The following ZEB2 variants were observed in gnomAD, a reference collection of about 807,000 sequenced individuals.
ZEB2 encodes the protein zinc finger E-box-binding homeobox 2.
Under a neutral mutation model 99.9 loss-of-function variants are expected in ZEB2, and 6 were observed. The ratio of observed to expected loss-of-function variants is 0.06; its 90% CI spans 0.03 to 0.12. The LOEUF is 0.12. Among genes scored for constraint, ZEB2 ranks in the 10% least tolerant of loss-of-function variants. The pLI is 1.00. For synonymous variants in ZEB2, 517 were observed against 542.5 expected (o/e 0.95, Z 0.65); for missense variants, 969 against 1,502.8 (o/e 0.64, Z 5.87).
At chr2:144,517,885 C>A in intron 1 of ZEB2, 1 of 518,432 alleles carries the variant, frequency 1.9e-6, no homozygotes, top group East Asian at 3.2e-5. Context: ...GAAACAGCCC[C>A]TGGATGAAGC....
Position 144,389,469 on chromosome 2 carries a change from A to G in ZEB2, c.3627T>C (p.Asn1209=), listed in dbSNP as rs375865544. 3.1e-6 allele frequency: 5 copies of G among 1,613,826 alleles called. No individual in the cohort carries two copies. In the African/African-American group the frequency reaches 6.7e-5, roughly 22 times the overall value. The change falls in exon 10 of 10, where the codon AAT becomes AAC. Residue 1209 remains asparagine, a synonymous_variant. Transcript: ENST00000627532. The surrounding 1 kb of genome is among the most constrained non-coding windows in gnomAD (Gnocchi z 6.8). ...METKSDHEED[N]MEDGM Reference sequence around the variant, plus strand: ...TAGTTTATTACATGCCATCTTCCATATTGTCTTCCTCGTGGTCTGATTTGG... The same window carrying G: ...TAGTTTATTACATGCCATCTTCCATGTTGTCTTCCTCGTGGTCTGATTTGG...
At chr2:144,500,791 C>G (rs145831583) in intron 2 of ZEB2, among the ~76,000 whole-genome samples, 47 of 152,210 alleles carry the variant, frequency 3.1e-4, no homozygotes, top group Non-Finnish European at 5.3e-4. Flanking sequence ...ACAACTCACT[C>G]AGATCTGTAT....
At position 144,399,542 on chromosome 2, in the gene ZEB2, T is replaced by G. The variant is rs137852980; in HGVS notation, c.1645A>C (p.Arg549=). 3 of 1,614,212 alleles carry G rather than the reference T, an allele frequency of 1.9e-6. No individual in the cohort carries two copies. The South Asian group carries it at 3.3e-5, about 18-fold the overall frequency. ...CLQSLTTDSR[R]QISNIKKEKL... ...TCTTTCTTTATATTACTGATCTGTC[T>G]CCTTGAGTCAGTAGTCAAGCTCTGG... Residue 549 remains arginine, a synonymous_variant, in exon 8 of 10, where the codon AGA becomes CGA. Transcript: ENST00000627532. The surrounding 1 kb of genome is among the most constrained non-coding windows in gnomAD (Gnocchi z 5.6).
At chr2:144,411,084 TATA>T (rs1703455890) in intron 4 of ZEB2, among the ~76,000 whole-genome samples, 1 of 110,852 alleles carries the variant, frequency 9.0e-6, no homozygotes, top group African/African-American at 3.0e-5. Context: ...TATATATATA[TATA>T]TATATATATA....
chr2:144,430,471 C>G (rs1474760778), intron 2 of ZEB2: 2 of 209,380 alleles, frequency 9.6e-6, no homozygotes, highest in Non-Finnish European at 2.2e-5. Flanking sequence ...GGTTTTTTCC[C>G]TAGAAACAGT....
At chr2:144,514,186 A>C (rs1573817627) in intron 2 of ZEB2, 1 of 227,812 alleles carries the variant, frequency 4.4e-6, no homozygotes, top group Non-Finnish European at 8.9e-6. Flanking sequence ...ATTTTTCTTC[A>C]ACTGCCTCCT....
chr2:144,395,420 C>A (rs867911604), intron 9 of ZEB2, among the ~76,000 whole-genome samples: 1 of 151,964 alleles, frequency 6.6e-6, no homozygotes, highest in African/African-American at 2.4e-5. Context: ...TGATACTAGA[C>A]TTCCTGGTTT....
At chr2:144,517,866 A>G in intron 1 of ZEB2, 1 of 498,320 alleles carries the variant, frequency 2.0e-6, no homozygotes, top group East Asian at 3.4e-5. Context: ...ACAAACAAAC[A>G]AACAACGCGA....
At position 144,389,604 on chromosome 2, in the gene ZEB2, C is replaced by A; in HGVS notation, c.3492G>T (p.Glu1164Asp). 6.2e-7 allele frequency: 1 copy of A among 1,614,038 alleles called. No individual in the cohort carries two copies. The highest frequency in any genetic ancestry group is 8.5e-7 in the Non-Finnish European group (1 of 1,180,024). ...CCATACTTTTATTTTCACTTTCTTC[C>A]TCTTCCTCCTCGAACTCCTCGTCGC... ...QDGDEEFEEE[E>D]EESENKSMDT... The change falls in exon 10 of 10, where the codon GAG becomes GAT. Residue 1164 changes from glutamate (E) to aspartate (D), a missense_variant. This residue lies in a region of ZEB2 where 121 missense variants were observed against 166.4 expected (regional missense o/e 0.73). Coordinates refer to ENST00000627532, the MANE Select transcript of ZEB2 (RefSeq NM_014795.4). The surrounding 1 kb of genome is among the most constrained non-coding windows in gnomAD (Gnocchi z 6.8).
chr2:144,401,517 A>C (rs1204988255), intron 6 of ZEB2, among the ~76,000 whole-genome samples: 9 of 152,248 alleles, frequency 5.9e-5, no homozygotes, highest in Non-Finnish European at 1.3e-4. Context: ...TCACATGCGC[A>C]TCCAACACTT....
At chr2:144,478,124 A>G (rs1400506933) in intron 2 of ZEB2, among the ~76,000 whole-genome samples, 1 of 152,150 alleles carries the variant, frequency 6.6e-6, no homozygotes, top group Non-Finnish European at 1.5e-5. Flanking sequence ...GCAATACACA[A>G]GTTCAGTGTA....
At chr2:144,500,682 T>C (rs930318370) in intron 2 of ZEB2, among the ~76,000 whole-genome samples, 1 of 152,188 alleles carries the variant, frequency 6.6e-6, no homozygotes, top group African/African-American at 2.4e-5. Flanking sequence ...TCCACCACAG[T>C]AGAAACCCTT....
At chr2:144,424,603 T>C (rs1703665521) in intron 4 of ZEB2, among the ~76,000 whole-genome samples, 193 bp downstream of exon 4, 1 of 152,200 alleles carries the variant, frequency 6.6e-6, no homozygotes, top group Non-Finnish European at 1.5e-5. Context: ...GGTGTGAGAA[T>C]GAAAGATGTA....
intron 2 of ZEB2, among the ~76,000 whole-genome samples, chr2:144,507,697 C>T (rs1265561092): frequency 6.6e-6 from 1 of 152,176 alleles, no homozygotes; most frequent in African/African-American, 2.4e-5. Flanking sequence ...CTCATAGTTT[C>T]TTGGGTCACA....
At chr2:144,494,012 C>T (rs113320350) in intron 2 of ZEB2, among the ~76,000 whole-genome samples, 36 of 151,764 alleles carry the variant, frequency 2.4e-4, no homozygotes, top group African/African-American at 8.2e-4. Context: ...ATTAGCCGGG[C>T]GTGGTTGCAG....
chr2:144,411,708 AC>A (rs1202102319), intron 4 of ZEB2, among the ~76,000 whole-genome samples: 2 of 152,022 alleles, frequency 1.3e-5, no homozygotes, highest in African/African-American at 4.8e-5. Context: ...CGCTCTCTCC[AC>A]CCCTGCTCTG....
At chr2:144,493,980 G>A (rs940073817) in intron 2 of ZEB2, among the ~76,000 whole-genome samples, 23 of 151,728 alleles carry the variant, frequency 1.5e-4, no homozygotes, top group African/African-American at 5.1e-4. Context: ...GTGAAACCCT[G>A]TCTCTACTAA....
intron 2 of ZEB2, among the ~76,000 whole-genome samples, chr2:144,479,222 A>C (rs752338143): frequency 2.0e-5 from 3 of 152,222 alleles, no homozygotes; most frequent in Non-Finnish European, 4.4e-5. Flanking sequence ...CAATGCTTGC[A>C]TTTCATTTGA....
Position 144,429,926 on chromosome 2 carries a change from C to G in ZEB2, c.174G>C (p.Gln58His), listed in dbSNP as rs1375255877. 2 of 1,613,818 alleles carry G rather than the reference C, an allele frequency of 1.2e-6. No individual in the cohort carries two copies. The highest frequency in any genetic ancestry group is 4.5e-5 in the East Asian group (2 of 44,868). The change falls in exon 3 of 10, where the codon CAG becomes CAC. Residue 58 changes from glutamine (Q) to histidine (H), a missense_variant. Coordinates refer to ENST00000627532, the MANE Select transcript of ZEB2 (RefSeq NM_014795.4). ...EDDGIANPLDQETSPASVPNH... is the reference protein window; with the variant it reads ...EDDGIANPLDHETSPASVPNH... The stretch of plus-strand genomic sequence containing the variant: ...TGGGCACACTAGCTGGACTCGTCTC[C>G]TGGTCCAGAGGGTTGGCAATACCGT...
Sources: allele counts gnomAD v4.1 joint callset (sites outside exome capture counted in the v4.1 genomes callset), GRCh38; gene constraint gnomAD v4.1.1; regional missense constraint gnomAD v4.1.1; non-coding constraint Gnocchi (gnomAD v3.1); transcripts MANE v1.5; gene names NCBI Gene and HGNC (gene_info 2026-07-23, HGNC 2026-07-21).